The following TRPV4 variants were observed in gnomAD, a reference collection of about 807,000 sequenced individuals.
The protein encoded by TRPV4 is transient receptor potential cation channel subfamily V member 4, also known as OSM9-like transient receptor potential channel 4.
A neutral mutation model predicts 84.1 loss-of-function variants in TRPV4; 58 were observed. The observed-to-expected ratio is 0.69, with a 90% CI of 0.56 to 0.86. The LOEUF (loss-of-function observed/expected upper bound fraction) is 0.86. TRPV4 is among the 40% of genes least tolerant of loss of function. The probability of loss-of-function intolerance (pLI) is 0.00; values close to 1 mark genes in which losing one functional copy is unlikely to be tolerated. For missense variants in TRPV4, 879 were observed against 1,181.1 expected (o/e 0.74, Z 3.75); for synonymous variants, 489 against 500.9 (o/e 0.98, Z 0.32).
intron 2 of TRPV4, among the ~76,000 whole-genome samples, chr12:109,813,417 G>GA (rs142309012): frequency 0.059 from 8,926 of 150,324 alleles, 416 homozygotes; most frequent in African/African-American, 0.13. Flanking sequence ...ATCTCAAAAA[G>GA]AAAAAAAAAG....
intron 1 of TRPV4, among the ~76,000 whole-genome samples, chr12:109,824,310 G>A (rs1056724561): frequency 2.0e-5 from 3 of 152,040 alleles, no homozygotes; most frequent in Admixed American, 6.6e-5. Flanking sequence ...AGGAGCTCAA[G>A]GATACAAAGT....
chr12:109,787,192 C>T (rs371814175), intron 13 of TRPV4, among the ~76,000 whole-genome samples: 60 of 152,196 alleles, frequency 3.9e-4, no homozygotes, highest in Non-Finnish European at 6.0e-4. Flanking sequence ...GGCAGGAATC[C>T]GGACCCTGCA....
Position 109,793,738 on chromosome 12 carries a change from G to A in TRPV4, c.1585-138C>T. 1.1e-6 allele frequency: 1 copy of A among 884,672 alleles called. No homozygotes were observed. The highest frequency in any genetic ancestry group is 2.1e-5 in the Admixed American group (1 of 47,290). The allele number at this position is 884,672 out of a possible 1,614,324, so 54.8% of individuals were successfully genotyped here. The stretch of plus-strand genomic sequence containing the variant: ...AAAGACAAAGGACTCTTTCCTGTTA[G>A]AAAAGGAGAAAAAAGCAGAGATGGA... On this transcript the variant is annotated intron_variant, in intron 9 of 15. Transcript: ENST00000261740. This position sits in a 1 kb window ranked among gnomAD's most constrained non-coding sequence, Gnocchi z 4.0.
chr12:109,800,508 G>C lies in TRPV4; in HGVS notation c.853+110C>G, dbSNP rs865910721. 4 of 1,397,540 alleles carry C rather than the reference G, an allele frequency of 2.9e-6. No individual in the cohort carries two copies. The Middle Eastern group carries it at 5.4e-4, about 189-fold the overall frequency. 86.6% of individuals were successfully genotyped at this position (1,397,540 alleles called of 1,614,324 possible). The stretch of plus-strand genomic sequence containing the variant: ...TGCTGCCTGCGCTCATGGCCAGAGT[G>C]GCCCTGGGTGTCTGGGTGATGGTCA... On this transcript the variant is annotated intron_variant, in intron 5 of 15. Transcript: ENST00000261740.
Position 109,794,376 on chromosome 12 carries a change from T to C in TRPV4, c.1444A>G (p.Met482Val), listed in dbSNP as rs1182736131. 1 of 1,613,502 alleles carries C rather than the reference T, an allele frequency of 6.2e-7. No homozygotes were observed. Among genetic ancestry groups the C allele is most frequent in the South Asian group, 1.1e-5 (1 of 91,058 alleles). Residue 482 changes from methionine to valine, a missense_variant, in exon 8 of 16, where the codon ATG becomes GTG. Coordinates refer to ENST00000261740, the MANE Select transcript of TRPV4 (RefSeq NM_021625.5). The part of the protein sequence containing the change: ...YINVVSYLCA[M>V]VIFTLTAYYQ... ...TAGGCGGTGAGAGTGAAGATGACCA[T>C]GGCACACAGGTAGGAGACCACGTTG...
At chr12:109,829,358 A>G (rs1480420283) in intron 1 of TRPV4, among the ~76,000 whole-genome samples, 1 of 152,196 alleles carries the variant, frequency 6.6e-6, no homozygotes, top group Non-Finnish European at 1.5e-5. Flanking sequence ...CTGGGATTTG[A>G]ACCTGGGCAG....
chr12:109,803,115 G>T lies in TRPV4; in HGVS notation c.588C>A (p.Pro196=). The change falls in exon 4 of 16, where the codon CCC becomes CCA. Residue 196 remains proline, a synonymous_variant. Transcript: ENST00000261740. ...CATTGCTCAGGTTCAGCAAGGCCTT[G>T]GGCAGGCAGGTCTTCCCCGTAGATG... ...REPSTGKTCL[P]KALLNLSNGR... 1.2e-6 allele frequency: 2 copies of T among 1,614,112 alleles called. No individual in the cohort carries two copies. The highest frequency in any genetic ancestry group is 4.5e-5 in the East Asian group (2 of 44,890).
At position 109,796,833 on chromosome 12, in the gene TRPV4, T is replaced by C; in HGVS notation, c.1153-129A>G. The C allele has an allele frequency of 1.1e-6, 1 of 935,664 alleles. No homozygotes were observed. Among genetic ancestry groups the C allele is most frequent in the Admixed American group, 2.9e-5 (1 of 34,524 alleles). 58.0% of individuals were successfully genotyped at this position (935,664 alleles called of 1,614,324 possible). A position where few individuals can be genotyped will look rare whatever the true frequency, so the allele number is the denominator to read the frequency against. ...GCTGCTGGAGGACCCTTTCCTCATC[T>C]TGTTTAATTCTTGCTCTTATTATCT... On this transcript the variant is annotated intron_variant, in intron 6 of 15. Transcript: ENST00000261740. This position sits in a 1 kb window ranked among gnomAD's most constrained non-coding sequence, Gnocchi z 4.2.
At position 109,798,706 on chromosome 12, in the gene TRPV4, C is replaced by G. The variant is rs1017016083; in HGVS notation, c.1060G>C (p.Ala354Pro). Residue 354 changes from alanine (A) to proline (P), a missense_variant, in exon 6 of 16, where the codon GCC (alanine) becomes CCC (proline). Ala to Pro is a conservative substitution (Grantham distance 27). Transcript: ENST00000261740. The surrounding 1 kb of genome is among the most constrained non-coding windows in gnomAD (Gnocchi z 5.0). Reference sequence around the variant, plus strand: ...AGGTTGCTGTCGGGGAAGAGGCGGGCACACTTGAGCAGCAGCAGGTCGTAC... The same window carrying G: ...AGGTTGCTGTCGGGGAAGAGGCGGGGACACTTGAGCAGCAGCAGGTCGTAC... ...KMYDLLLLKC[A>P]RLFPDSNLEA... 3.7e-6 allele frequency: 6 copies of G among 1,613,884 alleles called. No homozygotes were observed. Among genetic ancestry groups the G allele is most frequent in the Admixed American group, 3.3e-5 (2 of 60,020 alleles).
In TRPV4 at chr12:109,814,261, A is replaced by G. The variant is rs1182396368; in HGVS notation, c.386+150T>C. Reference sequence around the variant, plus strand: ...GATATATGGATAGGGAGATGAATAGATGGATGGATAGATGTATGGATGGTT... The same window carrying G: ...GATATATGGATAGGGAGATGAATAGGTGGATGGATAGATGTATGGATGGTT... On this transcript the variant is annotated intron_variant, in intron 2 of 15. Coordinates refer to ENST00000261740, the MANE Select transcript of TRPV4 (RefSeq NM_021625.5). This position sits in a 1 kb window ranked among gnomAD's most constrained non-coding sequence, Gnocchi z 5.4. The G allele has an allele frequency of 2.2e-6, 2 of 912,232 alleles. No homozygotes were observed. The highest frequency in any genetic ancestry group is 1.7e-6 in the Non-Finnish European group (1 of 579,806). The allele number at this position is 912,232 out of a possible 1,614,324, so 56.5% of individuals were successfully genotyped here.
intron 4 of TRPV4, among the ~76,000 whole-genome samples, chr12:109,802,039 T>C (rs1324368526): frequency 6.6e-5 from 10 of 151,980 alleles, no homozygotes; most frequent in Admixed American, 5.9e-4. Flanking sequence ...CTTATTATCA[T>C]AGAGCCTTAG....
intron 4 of TRPV4, among the ~76,000 whole-genome samples, chr12:109,802,615 T>TTA (rs1555208544): frequency 1.1e-4 from 8 of 73,376 alleles, no homozygotes; most frequent in South Asian, 5.2e-4. Context: ...TTTTATTTTA[T>TTA]TTTTTTTTTT....
Position 109,802,875 on chromosome 12 carries a change from A to G in TRPV4, c.712+116T>C, listed in dbSNP as rs571904600. 539 of 1,029,886 alleles carry G rather than the reference A, an allele frequency of 5.2e-4. 5 individuals are homozygous for G. The African/African-American group carries it at 7.5e-3, about 14-fold the overall frequency. The allele number at this position is 1,029,886 out of a possible 1,614,324, so 63.8% of individuals were successfully genotyped here. The stretch of plus-strand genomic sequence containing the variant: ...CCATCCATCCATCCATCCATTTGTC[A>G]GGTCCTGGGTACATGCTGGCACTTA... On this transcript the variant is annotated intron_variant, in intron 4 of 15. Coordinates refer to ENST00000261740, the MANE Select transcript of TRPV4 (RefSeq NM_021625.5).
chr12:109,798,897 G>T lies in TRPV4; in HGVS notation c.869C>A (p.Ser290Ter). Residue 290 changes from serine (S) to a stop codon, truncating the protein, a stop_gained, in exon 6 of 16, where the codon TCG becomes TAG. Transcript: ENST00000261740. LOFTEE classifies it high-confidence loss of function. This position sits in a 1 kb window ranked among gnomAD's most constrained non-coding sequence, Gnocchi z 5.0. ...GGGCTGGTTGGTGCAGGCAGCCAGC[G>T]ACAGGGGCAGCTCCCCTGCGGGCCA... Reference protein sequence around the residue: ...GYFYFGELPLSLAACTNQPHI... With the variant: ...GYFYFGELPL The T allele has an allele frequency of 6.2e-7, 1 of 1,611,034 alleles. No individual in the cohort carries two copies. Among genetic ancestry groups the T allele is most frequent in the South Asian group, 1.1e-5 (1 of 91,034 alleles).
Position 109,798,623 on chromosome 12 carries a change from G to T in TRPV4, c.1143C>A (p.Gly381=). 1 of 1,611,838 alleles carries T rather than the reference G, an allele frequency of 6.2e-7. No individual in the cohort carries two copies. The stretch of plus-strand genomic sequence containing the variant: ...CCAGCCGCACACTCACCCCAATCTT[G>T]CCCGTCTTGGCAGCCATCATGAGGG... ...LSPLMMAAKT[G]KIGIFQHIIR... Residue 381 remains glycine, a synonymous_variant, in exon 6 of 16, where the codon GGC becomes GGA. Coordinates refer to ENST00000261740, the MANE Select transcript of TRPV4 (RefSeq NM_021625.5). This position sits in a 1 kb window ranked among gnomAD's most constrained non-coding sequence, Gnocchi z 5.0.
Position 109,784,207 on chromosome 12 carries a change from T to C in TRPV4, c.2458+109A>G. 3 of 1,552,140 alleles carry C rather than the reference T, an allele frequency of 1.9e-6. No individual in the cohort carries two copies. In the Admixed American group the frequency reaches 5.0e-5, roughly 26 times the overall value. On this transcript the variant is annotated intron_variant, in intron 15 of 15. Transcript: ENST00000261740. ...AGAGGAAGCTCAGGGGCACACTCTC[T>C]CATTCTGTAGACACGGACACTGAGT...
chr12:109,785,222 A>C (rs1332188118), intron 14 of TRPV4, among the ~76,000 whole-genome samples: 1 of 151,776 alleles, frequency 6.6e-6, no homozygotes, highest in East Asian at 1.9e-4. Context: ...ATGGGGTTTC[A>C]CTATGTTGGT....
intron 1 of TRPV4, among the ~76,000 whole-genome samples, chr12:109,817,507 C>G (rs913267146): frequency 6.6e-6 from 1 of 152,196 alleles, no homozygotes; most frequent in Non-Finnish European, 1.5e-5. Context: ...CTGGACAGCA[C>G]CCCAGGTTCC....
At chr12:109,801,716 G>A (rs1890796290) in intron 4 of TRPV4, among the ~76,000 whole-genome samples, 1 of 152,098 alleles carries the variant, frequency 6.6e-6, no homozygotes, top group African/African-American at 2.4e-5. Context: ...GGTGGTCCCA[G>A]CTACTTGGGA....
Sources: allele counts gnomAD v4.1 joint callset (sites outside exome capture counted in the v4.1 genomes callset), GRCh38; gene constraint gnomAD v4.1.1; non-coding constraint Gnocchi (gnomAD v3.1); transcripts MANE v1.5; gene names NCBI Gene and HGNC (gene_info 2026-07-23, HGNC 2026-07-21).